PRPF38B: variants seen among roughly 807,000 people sequenced by gnomAD.
The protein encoded by PRPF38B is pre-mRNA processing factor 38B.
In PRPF38B, 18 loss-of-function variants were observed where a neutral mutation model predicts 67.2. That is an observed-to-expected ratio of 0.27 (90% CI 0.19 to 0.40). PRPF38B has a LOEUF of 0.40. PRPF38B is among the 10% of genes least tolerant of loss of function. The probability of loss-of-function intolerance (pLI) is 1.00; values close to 1 mark genes in which losing one functional copy is unlikely to be tolerated. For missense variants in PRPF38B, 544 were observed against 684.9 expected (o/e 0.79, Z 2.30); for synonymous variants, 246 against 234.2 (o/e 1.05, Z -0.46).
chr1:108,696,922 T>A (rs1266458294), intron 4 of PRPF38B: 6 of 556,726 alleles, frequency 1.1e-5, no homozygotes, highest in Admixed American at 1.0e-4. Flanking sequence ...AGAAATTTTT[T>A]AAATTGTAAT....
rs772960236 is a variant in PRPF38B, at chr1:108,692,582, C to T, written c.-10C>T. The T allele has an allele frequency of 2.2e-6, 3 of 1,372,128 alleles. No homozygotes were observed. The highest frequency in any genetic ancestry group is 2.2e-5 in the Admixed American group (1 of 45,708). 85.0% of individuals were successfully genotyped at this position (1,372,128 alleles called of 1,614,324 possible). A position where few individuals can be genotyped will look rare whatever the true frequency, so the allele number is the denominator to read the frequency against. ...CCCCTCCTTCCCTCCCTCCTTCCTT[C>T]CGCCGCAACATGGCTAACAACAGCC... On this transcript the variant is annotated 5_prime_UTR_variant, in exon 1 of 6. Transcript: ENST00000370025.
At chr1:108,694,999 T>G (rs569836789) in intron 1 of PRPF38B, among the ~76,000 whole-genome samples, 1 of 152,318 alleles carries the variant, frequency 6.6e-6, no homozygotes, top group South Asian at 2.1e-4. Context: ...ATAATTGGAT[T>G]GGTTCACACA....
In PRPF38B at chr1:108,692,563, CT is replaced by C; in HGVS notation, c.-27del. The stretch of plus-strand genomic sequence containing the variant: ...CGAGCTTGGCCCCCTCCCCCCCCTC[CT>C]TCCCTCCCTCCTTCCTTCCGCCGCA... On this transcript the variant is annotated 5_prime_UTR_variant, in exon 1 of 6. Coordinates refer to ENST00000370025, the MANE Select transcript of PRPF38B (RefSeq NM_018061.4). The C allele has an allele frequency of 6.6e-7, 1 of 1,519,084 alleles. No homozygotes were observed. Among genetic ancestry groups the C allele is most frequent in the East Asian group, 2.4e-5 (1 of 40,872 alleles). 94.1% of individuals were successfully genotyped at this position (1,519,084 alleles called of 1,614,324 possible).
intron 1 of PRPF38B, among the ~76,000 whole-genome samples, chr1:108,695,356 A>G (rs1481117713): frequency 6.6e-6 from 1 of 152,246 alleles, no homozygotes; most frequent in Non-Finnish European, 1.5e-5. Context: ...GTCAAATATT[A>G]TCAAAGTTAA....
intron 1 of PRPF38B, 123 bp from the exon 2 acceptor site, chr1:108,695,577 CAT>C (rs1449620601): frequency 1.2e-6 from 1 of 864,908 alleles, no homozygotes; most frequent in Non-Finnish European, 1.8e-6. Context: ...TATCAGTAAA[CAT>C]ATACTTAATG....
In PRPF38B at chr1:108,700,009, G is replaced by A. The variant is rs1570701317; in HGVS notation, c.1630G>A (p.Glu544Lys). The change falls in exon 6 of 6, where the codon GAG becomes AAG. Residue 544 changes from glutamate (E) to lysine (K), a missense_variant. Glu to Lys is a moderately conservative substitution (Grantham distance 56, BLOSUM62 1). This residue lies in a region of PRPF38B where 387 missense variants were observed against 386.1 expected (regional missense o/e 1.00). Coordinates refer to ENST00000370025, the MANE Select transcript of PRPF38B (RefSeq NM_018061.4). ...SQEKQHKNKD[E>K]TV is the part of the protein sequence containing the mutation. ...AGAAAAACAGCATAAAAACAAAGATGAGACTGTGTGAAAATATTTTGTAAA... is the reference window on the plus strand; with the variant it reads ...AGAAAAACAGCATAAAAACAAAGATAAGACTGTGTGAAAATATTTTGTAAA... The A allele has an allele frequency of 6.3e-7, 1 of 1,579,436 alleles. No individual in the cohort carries two copies. The highest frequency in any genetic ancestry group is 2.2e-5 in the East Asian group (1 of 44,652).
At chr1:108,697,688 T>C (rs577094714) in intron 4 of PRPF38B, 6 of 152,234 alleles carry the variant, frequency 3.9e-5, no homozygotes, top group South Asian at 2.1e-4. Context: ...TAAAAAAGCA[T>C]GTTCCTCTTC....
Position 108,699,240 on chromosome 1 carries a change from G to A in PRPF38B, c.861G>A (p.Gly287=). Residue 287 remains glycine, a synonymous_variant, in exon 6 of 6, where the codon GGG becomes GGA. Transcript: ENST00000370025. The part of the protein sequence containing the change: ...RSRSHHREGH[G]SSSFDRELER... ...GAAGTCATCATCGGGAGGGCCATGG[G>A]TCTTCTAGTTTTGACAGAGAATTAG... 3 of 1,614,052 alleles carry A rather than the reference G, an allele frequency of 1.9e-6. No homozygotes were observed. Among genetic ancestry groups the A allele is most frequent in the Non-Finnish European group, 2.5e-6 (3 of 1,179,996 alleles).
chr1:108,702,614 ACAT>A lies in PRPF38B; in HGVS notation c.*2597_*2599del, dbSNP rs1346224018. 2.6e-5 allele frequency among the ~76,000 whole-genome samples: 4 copies of A among 152,100 alleles called. No homozygotes were observed. Among genetic ancestry groups the A allele is most frequent in the Non-Finnish European group, 4.4e-5 (3 of 68,016 alleles). On this transcript the variant is annotated 3_prime_UTR_variant, in exon 6 of 6. Transcript: ENST00000370025. ...GAAACATGAGAACATTTGGACACGA[ACAT>A]CACACGCCGGGGCCTGTTGTGGGGT...
rs1660574297 is a variant in PRPF38B at position 108,702,217 on chromosome 1, C to G, written c.*2197C>G. 6.6e-6 allele frequency among the ~76,000 whole-genome samples: 1 copy of G among 151,902 alleles called. No homozygotes were observed. Among genetic ancestry groups the G allele is most frequent in the South Asian group, 2.1e-4 (1 of 4,822 alleles). On this transcript the variant is annotated 3_prime_UTR_variant, in exon 6 of 6. Coordinates refer to ENST00000370025, the MANE Select transcript of PRPF38B (RefSeq NM_018061.4). ...CTCTGCTCACTGCAGCCTCCACTTC[C>G]CTGGCTCAAGTGATCCTCCGAACTT...
Position 108,701,280 on chromosome 1 carries a change from A to T in PRPF38B, c.*1260A>T, listed in dbSNP as rs1319215295. 6.6e-6 allele frequency: 1 copy of T among 152,642 alleles called. No homozygotes were observed. Among genetic ancestry groups the T allele is most frequent in the Non-Finnish European group, 1.5e-5 (1 of 68,032 alleles). The allele number at this position is 152,642 out of a possible 1,614,324, so 9.5% of individuals were successfully genotyped here. The stretch of plus-strand genomic sequence containing the variant: ...ACGTCAGTAGAGTCACACTTTGTGT[A>T]CAGGGATGTCTTAGTGCCCAGATGA... On this transcript the variant is annotated 3_prime_UTR_variant, in exon 6 of 6. Coordinates refer to ENST00000370025, the MANE Select transcript of PRPF38B (RefSeq NM_018061.4).
At position 108,702,185 on chromosome 1, in the gene PRPF38B, G is replaced by A. The variant is rs1391065436; in HGVS notation, c.*2165G>A. Among the ~76,000 whole-genome samples, 1 of 152,178 alleles carries A rather than the reference G, an allele frequency of 6.6e-6. No homozygotes were observed. Among genetic ancestry groups the A allele is most frequent in the Non-Finnish European group, 1.5e-5 (1 of 68,032 alleles). Reference sequence around the variant, plus strand: ...CTGTCACCCAGACTGGAGTGCAGTGGTGCAATCTCTGCTCACTGCAGCCTC... The same window carrying A: ...CTGTCACCCAGACTGGAGTGCAGTGATGCAATCTCTGCTCACTGCAGCCTC... On this transcript the variant is annotated 3_prime_UTR_variant, in exon 6 of 6. Transcript: ENST00000370025.
At chr1:108,696,870 CCA>C in intron 4 of PRPF38B, 5 of 643,174 alleles carry the variant, frequency 7.8e-6, no homozygotes, top group Non-Finnish European at 1.1e-5. Context: ...AATTTTAATT[CCA>C]GTTTTCTGAC....
chr1:108,692,338 G>A lies in PRPF38B; in HGVS notation c.-254G>A. 1 of 540,772 alleles carries A rather than the reference G, an allele frequency of 1.8e-6. No individual in the cohort carries two copies. Among genetic ancestry groups the A allele is most frequent in the Non-Finnish European group, 3.3e-6 (1 of 304,496 alleles). 33.5% of individuals were successfully genotyped at this position (540,772 alleles called of 1,614,324 possible). A position where few individuals can be genotyped will look rare whatever the true frequency, so the allele number is the denominator to read the frequency against. ...TTGTTCCCAGGGGCAGTTGGCGGAA[G>A]AGATCGAGCTCCCTGGCTGCCGGCT... On this transcript the variant is annotated 5_prime_UTR_variant, in exon 1 of 6. Coordinates refer to ENST00000370025, the MANE Select transcript of PRPF38B (RefSeq NM_018061.4).
intron 1 of PRPF38B, 111 bp from the exon 2 acceptor site, chr1:108,695,591 C>A (rs1221171433): frequency 2.9e-6 from 3 of 1,050,054 alleles, no homozygotes; most frequent in African/African-American, 3.2e-5. Flanking sequence ...TACTTAATGC[C>A]AAAATAATTT....
chr1:108,692,583 C>A lies in PRPF38B; in HGVS notation c.-9C>A. ...CCCTCCTTCCCTCCCTCCTTCCTTCCGCCGCAACATGGCTAACAACAGCCC... is the reference window on the plus strand; with the variant it reads ...CCCTCCTTCCCTCCCTCCTTCCTTCAGCCGCAACATGGCTAACAACAGCCC... On this transcript the variant is annotated 5_prime_UTR_variant, in exon 1 of 6. Coordinates refer to ENST00000370025, the MANE Select transcript of PRPF38B (RefSeq NM_018061.4). 1 of 1,558,030 alleles carries A rather than the reference C, an allele frequency of 6.4e-7. No individual in the cohort carries two copies. Among genetic ancestry groups the A allele is most frequent in the East Asian group, 2.4e-5 (1 of 42,186 alleles).
intron 1 of PRPF38B, 78 bp from the exon 2 acceptor site, chr1:108,695,624 A>G: frequency 7.2e-7 from 1 of 1,395,864 alleles, no homozygotes; most frequent in South Asian, 1.2e-5. Context: ...TCTATTATGG[A>G]CTTGGGTTTA....
In PRPF38B at chr1:108,699,578, A is replaced by T. The variant is rs1405011240; in HGVS notation, c.1199A>T (p.Glu400Val). The T allele has an allele frequency of 1.3e-6, 2 of 1,553,390 alleles. No individual in the cohort carries two copies. Among genetic ancestry groups the T allele is most frequent in the Non-Finnish European group, 1.7e-6 (2 of 1,147,818 alleles). Residue 400 changes from glutamate (E) to valine (V), a missense_variant, in exon 6 of 6, where the codon GAG (glutamate) becomes GTG (valine). Glu to Val is a moderately radical substitution (Grantham distance 121, BLOSUM62 -2). Coordinates refer to ENST00000370025, the MANE Select transcript of PRPF38B (RefSeq NM_018061.4). ...CAGAGAAGTAGGGGAGAGGTAGAAG[A>T]GAAGAAACATAAAGAAGACAAAGAT... ...KEQRSRGEVE[E>V]KKHKEDKDDR...
At chr1:108,696,981 G>A (rs911245252) in intron 4 of PRPF38B, 22 of 538,932 alleles carry the variant, frequency 4.1e-5, no homozygotes, top group Admixed American at 2.1e-4. Context: ...GATTTAAATC[G>A]TGTATGCATT....
Sources: allele counts gnomAD v4.1 joint callset (sites outside exome capture counted in the v4.1 genomes callset), GRCh38; gene constraint gnomAD v4.1.1; regional missense constraint gnomAD v4.1.1; transcripts MANE v1.5; gene names NCBI Gene and HGNC (gene_info 2026-07-23, HGNC 2026-07-21).